The following ARHGAP32 variants were observed in gnomAD, a reference collection of about 807,000 sequenced individuals.
ARHGAP32 encodes the protein Rho GTPase activating protein 32, also known as rho GTPase-activating protein 32.
In ARHGAP32, 51 loss-of-function variants were observed where a neutral mutation model predicts 186.5. That is an observed-to-expected ratio of 0.27 (90% CI 0.22 to 0.35). The LOEUF is 0.35. Ranked by LOEUF, ARHGAP32 falls within the 10% of genes least tolerant of loss-of-function variation. The pLI, the probability that ARHGAP32 is intolerant of heterozygous loss-of-function variation, is 1.00. For missense variants in ARHGAP32, 2,186 were observed against 2,623.5 expected, an observed-to-expected ratio of 0.83 and a Z score of 3.64; for synonymous variants, 950 against 964.3, an observed-to-expected ratio of 0.99 and a Z score of 0.27.
upstream of ARHGAP32, among the ~76,000 whole-genome samples, chr11:129,195,079 C>A (rs1944375600): frequency 6.6e-6 from 1 of 152,014 alleles, no homozygotes; most frequent in Non-Finnish European, 1.5e-5. Context: ...GGCAATCCTC[C>A]TGCCTCAGCC....
intron 6 of ARHGAP32, among the ~76,000 whole-genome samples, chr11:129,068,682 T>C (rs1224058872): frequency 6.6e-6 from 1 of 152,072 alleles, no homozygotes; most frequent in African/African-American, 2.4e-5. Context: ...GTTATTAAGA[T>C]TTCTTTTTGT....
At chr11:129,128,784 CG>C (rs1206866971) in intron 2 of ARHGAP32, among the ~76,000 whole-genome samples, 1 of 152,204 alleles carries the variant, frequency 6.6e-6, no homozygotes, top group African/African-American at 2.4e-5. Context: ...GGGGTTTCGC[CG>C]TGTTGGCCGG....
chr11:129,187,980 G>A (rs1944197199), intron 1 of ARHGAP32, among the ~76,000 whole-genome samples: 1 of 151,966 alleles, frequency 6.6e-6, no homozygotes, highest in South Asian at 2.1e-4. Context: ...TTTTGAGATG[G>A]AGTCTCATTT....
intron 1 of ARHGAP32, chr11:129,203,211 A>C (rs1944477102): frequency 6.6e-6 from 1 of 152,154 alleles, no homozygotes; most frequent in Non-Finnish European, 1.5e-5. Flanking sequence ...AATCCCTCTC[A>C]CTGGCTAAGC....
At chr11:129,138,918 T>C (rs755749231) in intron 2 of ARHGAP32, among the ~76,000 whole-genome samples, 1 of 152,200 alleles carries the variant, frequency 6.6e-6, no homozygotes, top group Non-Finnish European at 1.5e-5. Context: ...GAGATTTGCA[T>C]AGTGTGTTAA....
chr11:129,195,557 A>AT (rs536940122), upstream of ARHGAP32, among the ~76,000 whole-genome samples: 18 of 150,226 alleles, frequency 1.2e-4, no homozygotes, highest in South Asian at 3.8e-3. Context: ...CACCCGCCTA[A>AT]TTTTTTATTT....
intron 2 of ARHGAP32, among the ~76,000 whole-genome samples, chr11:129,149,817 A>G (rs1296124568): frequency 2.6e-5 from 4 of 152,184 alleles, no homozygotes; most frequent in African/African-American, 9.7e-5. Context: ...GAAAAAAAAA[A>G]TATCAGAAGG....
chr11:129,020,832 T>C (rs1591538515), intron 11 of ARHGAP32, among the ~76,000 whole-genome samples: 1 of 152,074 alleles, frequency 6.6e-6, no homozygotes, highest in African/African-American at 2.4e-5. Context: ...ACTACAAAGC[T>C]ATTGTAGAGT....
chr11:129,213,343 T>C (rs540756085), intron 1 of ARHGAP32, among the ~76,000 whole-genome samples: 3 of 152,300 alleles, frequency 2.0e-5, no homozygotes, highest in South Asian at 2.1e-4. Context: ...ACAAGGAACA[T>C]AGCTTGCCAC....
chr11:129,210,634 G>A (rs1944567399), intron 1 of ARHGAP32, among the ~76,000 whole-genome samples: 1 of 152,058 alleles, frequency 6.6e-6, no homozygotes, highest in South Asian at 2.1e-4. Flanking sequence ...ACACAAAACA[G>A]ACAATGAGAC....
At chr11:129,093,914 C>T (rs1337052182) in intron 5 of ARHGAP32, among the ~76,000 whole-genome samples, 1 of 152,116 alleles carries the variant, frequency 6.6e-6, no homozygotes, top group Non-Finnish European at 1.5e-5. Flanking sequence ...ATCTGTGTAG[C>T]TTACGTATAA....
chr11:129,100,815 C>A (rs1190927416), intron 5 of ARHGAP32, among the ~76,000 whole-genome samples: 1 of 152,216 alleles, frequency 6.6e-6, no homozygotes, highest in Non-Finnish European at 1.5e-5. Flanking sequence ...ACTGTGTGCA[C>A]AGTAACCAAC....
chr11:129,238,137 C>T (rs1398461547), intron 1 of ARHGAP32, among the ~76,000 whole-genome samples: 1 of 152,126 alleles, frequency 6.6e-6, no homozygotes, highest in Admixed American at 6.6e-5. Flanking sequence ...AATTTCTCTT[C>T]TAAGCTTGAG....
At chr11:129,122,234 G>C (rs1172612146) in intron 5 of ARHGAP32, among the ~76,000 whole-genome samples, 1 of 151,076 alleles carries the variant, frequency 6.6e-6, no homozygotes, top group Non-Finnish European at 1.5e-5. Context: ...ATATTCTTTG[G>C]ACTGTTTTTA....
chr11:129,001,352 A>G (rs907237418), intron 11 of ARHGAP32, among the ~76,000 whole-genome samples: 5 of 152,180 alleles, frequency 3.3e-5, no homozygotes, highest in Admixed American at 1.3e-4. Context: ...TTTAATTTGC[A>G]TTTCTCTGAT....
At chr11:129,087,207 C>G (rs1226068987) in intron 6 of ARHGAP32, among the ~76,000 whole-genome samples, 47 of 152,202 alleles carry the variant, frequency 3.1e-4, no homozygotes, top group Admixed American at 3.1e-3. Flanking sequence ...ACTAAAAACA[C>G]TTTTACCATG....
chr11:129,188,891 T>C (rs1322003460), intron 1 of ARHGAP32, among the ~76,000 whole-genome samples: 1 of 152,194 alleles, frequency 6.6e-6, no homozygotes, highest in Non-Finnish European at 1.5e-5. Flanking sequence ...TTATATGTCA[T>C]ATTTGCCAGG....
chr11:129,013,251 C>T (rs1020173421), intron 11 of ARHGAP32, among the ~76,000 whole-genome samples: 1 of 152,212 alleles, frequency 6.6e-6, no homozygotes, highest in Non-Finnish European at 1.5e-5. Context: ...TGCTGACATA[C>T]GTGCAGCTCT....
At chr11:128,997,831 C>T (rs900746651) in intron 12 of ARHGAP32, among the ~76,000 whole-genome samples, 2 of 152,152 alleles carry the variant, frequency 1.3e-5, no homozygotes, top group Admixed American at 6.5e-5. Context: ...GAATTCAAGG[C>T]TGCAGTCGGC....
Sources: gnomAD v4.1 joint callset for allele counts (sites outside exome capture counted in the v4.1 genomes callset) on GRCh38, gnomAD v4.1.1 for gene constraint, MANE v1.5 for transcripts, NCBI Gene and HGNC (gene_info 2026-07-23, HGNC 2026-07-21) for gene names.